The following ZFHX3 variants were observed in gnomAD, a reference collection of about 807,000 sequenced individuals.
ZFHX3 encodes the protein zinc finger homeobox protein 3.
In ZFHX3, 42 loss-of-function variants were observed where a neutral mutation model predicts 279.1. The ratio of observed to expected loss-of-function variants is 0.15; its 90% confidence interval spans 0.12 to 0.19. ZFHX3 has a LOEUF of 0.19. ZFHX3 is among the 10% of genes least tolerant of loss of function. The pLI, the probability that ZFHX3 is intolerant of heterozygous loss-of-function variation, is 1.00. For missense variants in ZFHX3, 4,981 were observed against 4,754.0 expected, an observed-to-expected ratio of 1.05 and a Z score of -1.40; for synonymous variants, 2,293 against 1,957.8, an observed-to-expected ratio of 1.17 and a Z score of -4.52.
intron 7 of ZFHX3, among the ~76,000 whole-genome samples, chr16:73,111,506 A>G (rs1213822605): frequency 6.6e-6 from 1 of 151,510 alleles, no homozygotes; most frequent in Non-Finnish European, 1.5e-5. Context: ...AATAAAAGGA[A>G]CTCTACACTC....
rs192822739 is a variant in ZFHX3 at position 72,878,108 on chromosome 16, A to G, written c.3448+11623T>C. Among the ~76,000 whole-genome samples the G allele has an allele frequency of 6.3e-4, 96 of 152,280 alleles. 1 individual carries two copies. The highest frequency in any genetic ancestry group is 1.2e-3 in the Non-Finnish European group (85 of 68,024). On this transcript the variant is annotated intron_variant, in intron 4 of 9. Coordinates refer to ENST00000268489, the MANE Select transcript of ZFHX3 (RefSeq NM_006885.4). ...TGAGGCAGGAGGATCACTTGAGCCC[A>G]GGAGATGGAGGCTACAGTGAGCCAT... is the stretch of plus-strand genomic sequence containing the variant.
chr16:73,275,153 C>T (rs1055147569), intron 4 of ZFHX3, among the ~76,000 whole-genome samples: 9 of 152,200 alleles, frequency 5.9e-5, no homozygotes, highest in Non-Finnish European at 1.3e-4. Context: ...CTAGAGGTCC[C>T]TGGCTTTAGT....
chr16:73,602,317 A>G (rs963557867), intron 2 of ZFHX3, among the ~76,000 whole-genome samples: 3 of 152,198 alleles, frequency 2.0e-5, no homozygotes, highest in Admixed American at 6.5e-5. Flanking sequence ...AGATAAATGT[A>G]TATCACGCAG....
At chr16:73,375,702 T>A (rs773668843) in intron 3 of ZFHX3, among the ~76,000 whole-genome samples, 1 of 152,222 alleles carries the variant, frequency 6.6e-6, no homozygotes, top group African/African-American at 2.4e-5. Context: ...AAAATCTCAA[T>A]TATCCATGAT....
At chr16:73,793,029 G>C (rs778978061) in intron 1 of ZFHX3, among the ~76,000 whole-genome samples, 1 of 152,128 alleles carries the variant, frequency 6.6e-6, no homozygotes, top group South Asian at 2.1e-4. Flanking sequence ...TTTGGGAGAC[G>C]GGGAGAGAAG....
chr16:73,396,649 GC>G (rs2017135599), intron 3 of ZFHX3, among the ~76,000 whole-genome samples: 1 of 152,136 alleles, frequency 6.6e-6, no homozygotes, highest in African/African-American at 2.4e-5. Flanking sequence ...GGGGAAGTGT[GC>G]CAGACTCTTA....
chr16:73,759,185 G>GTGGC (rs1456182908), intron 1 of ZFHX3, among the ~76,000 whole-genome samples: 2 of 152,212 alleles, frequency 1.3e-5, no homozygotes, highest in Non-Finnish European at 2.9e-5. Flanking sequence ...GGTAGGTGTA[G>GTGGC]TGGCCGCATA....
At chr16:73,595,019 T>C (rs2052034679) in intron 2 of ZFHX3, among the ~76,000 whole-genome samples, 1 of 152,180 alleles carries the variant, frequency 6.6e-6, no homozygotes, top group South Asian at 2.1e-4. Flanking sequence ...TAAGGGAACA[T>C]GGTCCCTTGA....
At chr16:73,439,932 A>AAAAC (rs2018060045) in intron 3 of ZFHX3, among the ~76,000 whole-genome samples, 1 of 107,822 alleles carries the variant, frequency 9.3e-6, no homozygotes, top group African/African-American at 4.2e-5. Flanking sequence ...AAAAAAAAAA[A>AAAAC]CACAAAAAAA....
Position 73,413,919 on chromosome 16 carries a change from T to C in ZFHX3, c.-1291+42084A>G, listed in dbSNP as rs1204507122. Among the ~76,000 whole-genome samples, 4 of 152,372 alleles carry C rather than the reference T, an allele frequency of 2.6e-5. No homozygotes were observed. The East Asian group carries it at 5.8e-4, about 22-fold the overall frequency. ...ATCATTGGATTATTAGAATGAAGGA[T>C]ACTTTAAGAAAACAAAGATTCAATA... is the stretch of plus-strand genomic sequence containing the variant. On this transcript the variant is annotated intron_variant, in intron 3 of 17. Coordinates refer to the ZFHX3 transcript ENST00000641206.
rs775981326 is a variant in ZFHX3, at chr16:72,795,113, T to C, written c.7569A>G (p.Leu2523=). The change falls in exon 9 of 10, where the codon CTA becomes CTG. Residue 2523 remains leucine, a synonymous_variant. Transcript: ENST00000268489. ...HTSTPQQLAN[L]PPQLIPYQCD... ...ACTGGTAGGGGATTAGCTGAGGAGG[T>C]AGGTTTGCGAGCTGTTGAGGAGTTG... The C allele has an allele frequency of 4.0e-5, 65 of 1,612,678 alleles. No individual in the cohort carries two copies. The highest frequency in any genetic ancestry group is 1.6e-4 in the Middle Eastern group (1 of 6,084).
chr16:72,832,489 C>CT lies in ZFHX3; in HGVS notation c.3449-2631dup, dbSNP rs1296491279. On this transcript the variant is annotated intron_variant, in intron 4 of 9. Coordinates refer to ENST00000268489, the MANE Select transcript of ZFHX3 (RefSeq NM_006885.4). ...TTTCAAGAACTTATTTTGCTTATCTCTTTTTTTAAAAAGATTTACAAATCA... is the reference window on the plus strand; with the variant it reads ...TTTCAAGAACTTATTTTGCTTATCTCTTTTTTTTAAAAAGATTTACAAATCA... Among the ~76,000 whole-genome samples, 48 of 152,226 alleles carry CT rather than the reference C, an allele frequency of 3.2e-4. 3 individuals are homozygous for CT. In the East Asian group the frequency reaches 7.5e-3, roughly 24 times the overall value.
intron 7 of ZFHX3, chr16:73,098,657 TG>T (rs2144785605): frequency 6.6e-6 from 1 of 152,434 alleles, no homozygotes; most frequent in South Asian, 2.1e-4. Context: ...CCACTGCACC[TG>T]GCTGTATATC....
intron 1 of ZFHX3, among the ~76,000 whole-genome samples, chr16:72,976,405 A>C (rs1962349183): frequency 6.6e-6 from 1 of 152,210 alleles, no homozygotes; most frequent in African/African-American, 2.4e-5. Flanking sequence ...CCCAGTGGTC[A>C]TAGTTTTAAG....
At chr16:72,906,372 G>A (rs952885052) in intron 3 of ZFHX3, among the ~76,000 whole-genome samples, 1 of 151,906 alleles carries the variant, frequency 6.6e-6, no homozygotes, top group Non-Finnish European at 1.5e-5. Context: ...GTCGATGATC[G>A]CACTGGGGGG....
chr16:73,033,812 G>A (rs1306606194), intron 1 of ZFHX3, among the ~76,000 whole-genome samples: 1 of 152,182 alleles, frequency 6.6e-6, no homozygotes, highest in Non-Finnish European at 1.5e-5. Context: ...GGCTGGCTGG[G>A]TGCTCTGGGA....
chr16:73,258,188 A>T (rs1001183018), intron 4 of ZFHX3, among the ~76,000 whole-genome samples: 1 of 152,064 alleles, frequency 6.6e-6, no homozygotes, highest in Admixed American at 6.6e-5. Flanking sequence ...AAGCATTCTT[A>T]TTTCTATTCA....
At chr16:72,937,276 T>G (rs1036352220) in intron 3 of ZFHX3, among the ~76,000 whole-genome samples, 1 of 151,246 alleles carries the variant, frequency 6.6e-6, no homozygotes, top group African/African-American at 2.4e-5. Flanking sequence ...TTAGGGAGAG[T>G]TACAGACAGA....
At chr16:73,806,004 G>A (rs1366335971) in intron 1 of ZFHX3, among the ~76,000 whole-genome samples, 1 of 152,196 alleles carries the variant, frequency 6.6e-6, no homozygotes, top group Non-Finnish European at 1.5e-5. Context: ...AGTTCCATAT[G>A]GCTCAGCAAG....
Sources: gnomAD v4.1 joint callset for allele counts (sites outside exome capture counted in the v4.1 genomes callset) on GRCh38, gnomAD v4.1.1 for gene constraint, MANE v1.5 for transcripts, NCBI Gene and HGNC (gene_info 2026-07-23, HGNC 2026-07-21) for gene names.